Variants in SULF2 observed in about 807,000 individuals in gnomAD.
SULF2 encodes sulfatase 2.
A neutral mutation model predicts 107.7 loss-of-function variants in SULF2; 52 were observed. The observed-to-expected ratio is 0.48, with a 90% CI of 0.39 to 0.61. The LOEUF (loss-of-function observed/expected upper bound fraction) is 0.61. Among genes scored for constraint, SULF2 ranks in the 20% least tolerant of loss-of-function variants. SULF2 has a pLI of 0.00. For missense variants in SULF2, 993 were observed against 1,177.3 expected (o/e 0.84, Z 2.29); for synonymous variants, 460 against 464.3 (o/e 0.99, Z 0.12).
chr20:47,673,349 C>G (rs989818093), intron 10 of SULF2, among the ~76,000 whole-genome samples: 2 of 152,192 alleles, frequency 1.3e-5, no homozygotes, highest in South Asian at 2.1e-4. Flanking sequence ...CTTACTACAC[C>G]TCACGCTACC....
chr20:47,701,547 C>T (rs1451119390), intron 4 of SULF2, among the ~76,000 whole-genome samples: 1 of 152,216 alleles, frequency 6.6e-6, no homozygotes, highest in Non-Finnish European at 1.5e-5. Context: ...ATGCACACGC[C>T]CTGTGCTCAG....
chr20:47,745,399 AAAAAAAAAAAAATATATATATAT>A lies in SULF2; in HGVS notation c.176-8480_176-8458del, dbSNP rs1162006721. Among the ~76,000 whole-genome samples, 13 of 27,732 alleles carry A rather than the reference AAAAAAAAAAAAATATATATATAT, an allele frequency of 4.7e-4. 1 individual carries two copies. Among genetic ancestry groups the A allele is most frequent in the African/African-American group, 2.6e-3 (11 of 4,234 alleles). 18.2% of individuals were successfully genotyped at this position (27,732 alleles called of 152,430 possible). On this transcript the variant is annotated intron_variant, in intron 2 of 20. Coordinates refer to ENST00000688720, the MANE Select transcript of SULF2 (RefSeq NM_001387048.1). ...TTTTGAGGGAAAAAAAAAAAAAAAA[AAAAAAAAAAAAATATATATATAT>A]ATATATATATATATATATATATATA...
intron 1 of SULF2, among the ~76,000 whole-genome samples, chr20:47,769,046 CATTT>C (rs2090579266): frequency 8.8e-5 from 1 of 11,368 alleles, no homozygotes; most frequent in Middle Eastern, 0.071. Context: ...ATGCCTGCCT[CATTT>C]TTTTTTTGAG....
chr20:47,676,582 T>C lies in SULF2; in HGVS notation c.1292A>G (p.Gln431Arg). ...HKRDNDKVDA[Q>R]EENFLPKYQR... ...GTACTTGGGCAGAAAGTTCTCCTCC[T>C]GGGCGTCCACCTTGTCATTGTCTCT... Residue 431 changes from glutamine to arginine, a missense_variant, in exon 10 of 21, where the codon CAG becomes CGG. Physicochemically the swap from Gln to Arg is conservative, Grantham distance 43. Coordinates refer to ENST00000688720, the MANE Select transcript of SULF2 (RefSeq NM_001387048.1). 2 of 1,567,498 alleles carry C rather than the reference T, an allele frequency of 1.3e-6. No homozygotes were observed. The highest frequency in any genetic ancestry group is 1.7e-6 in the Non-Finnish European group (2 of 1,155,522).
At chr20:47,727,101 C>T (rs138002043) in intron 3 of SULF2, among the ~76,000 whole-genome samples, 6 of 152,122 alleles carry the variant, frequency 3.9e-5, no homozygotes, top group South Asian at 4.2e-4. Flanking sequence ...CCAGCCGTCA[C>T]GAGATGAATG....
intron 11 of SULF2, among the ~76,000 whole-genome samples, chr20:47,669,419 C>T (rs2087389519): frequency 6.6e-6 from 1 of 152,184 alleles, no homozygotes. Context: ...AGATGTTTTG[C>T]CGCATCCATA....
At chr20:47,720,914 T>C (rs1489340436) in intron 3 of SULF2, among the ~76,000 whole-genome samples, 2 of 152,208 alleles carry the variant, frequency 1.3e-5, no homozygotes, top group Non-Finnish European at 2.9e-5. Context: ...GGAAGCCCTT[T>C]TGCAAACTCT....
At chr20:47,670,669 T>TGAGAGCGGGGTGG (rs2087433350) in intron 11 of SULF2, among the ~76,000 whole-genome samples, 1 of 4,590 alleles carries the variant, frequency 2.2e-4, no homozygotes, top group Non-Finnish European at 4.4e-4. Flanking sequence ...GAGAATGGGG[T>TGAGAGCGGGGTGG]GACAGCAGGG....
intron 2 of SULF2, among the ~76,000 whole-genome samples, chr20:47,746,345 G>C (rs1473786082): frequency 3.3e-5 from 5 of 152,188 alleles, no homozygotes; most frequent in Non-Finnish European, 1.5e-5. Flanking sequence ...GGATGAAGAG[G>C]GCTATGAGGT....
chr20:47,751,349 C>G lies in SULF2; in HGVS notation c.175+5840G>C, dbSNP rs549000744. Among the ~76,000 whole-genome samples the G allele has an allele frequency of 3.3e-5, 5 of 152,308 alleles. 1 individual carries two copies. Among genetic ancestry groups the G allele is most frequent in the African/African-American group, 1.2e-4 (5 of 41,584 alleles). Reference sequence around the variant, plus strand: ...CCTCATGGTTCAAGTGGGGTTGGCTCCAGTCCTGGCTCCAGGAATGTGCAC... The same window carrying G: ...CCTCATGGTTCAAGTGGGGTTGGCTGCAGTCCTGGCTCCAGGAATGTGCAC... On this transcript the variant is annotated intron_variant, in intron 2 of 20. Transcript: ENST00000688720.
At chr20:47,772,775 A>G (rs1349543223) in intron 1 of SULF2, among the ~76,000 whole-genome samples, 2 of 152,058 alleles carry the variant, frequency 1.3e-5, no homozygotes, top group Non-Finnish European at 2.9e-5. Context: ...CTGTGCGTGG[A>G]CGGCTAAGAT....
chr20:47,664,302 C>G (rs2087191504), intron 14 of SULF2, 113 bp from the exon 15 acceptor site: 1 of 1,068,400 alleles, frequency 9.4e-7, no homozygotes, highest in Non-Finnish European at 1.4e-6. Flanking sequence ...CCACCCCTGT[C>G]CCTCCTTCTG....
chr20:47,700,787 A>G (rs2088539777), intron 4 of SULF2, among the ~76,000 whole-genome samples: 1 of 152,022 alleles, frequency 6.6e-6, no homozygotes, highest in Admixed American at 6.6e-5. Flanking sequence ...CTGGGATTAC[A>G]GGCGCCCGCC....
intron 2 of SULF2, among the ~76,000 whole-genome samples, chr20:47,739,966 C>T (rs1361101626): frequency 6.6e-6 from 1 of 152,220 alleles, no homozygotes; most frequent in Non-Finnish European, 1.5e-5. Flanking sequence ...TCCCTACAGT[C>T]TTACACCACC....
Position 47,684,589 on chromosome 20 carries a change from G to T in SULF2, c.738-8C>A. On this transcript the variant is annotated splice_region_variant and splice_polypyrimidine_tract_variant and intron_variant, in intron 5 of 20. Coordinates refer to ENST00000688720, the MANE Select transcript of SULF2 (RefSeq NM_001387048.1). ...TAGTTGTAGCTCGGCGTGCTGGTGG[G>T]CAAGGACATACACATCGGTCAAACC... The T allele has an allele frequency of 6.2e-7, 1 of 1,612,952 alleles. No individual in the cohort carries two copies. Among genetic ancestry groups the T allele is most frequent in the South Asian group, 1.1e-5 (1 of 90,970 alleles).
intron 2 of SULF2, among the ~76,000 whole-genome samples, chr20:47,740,037 T>C (rs956786846): frequency 6.6e-6 from 1 of 152,202 alleles, no homozygotes; most frequent in Non-Finnish European, 1.5e-5. Context: ...CCTTCTGATA[T>C]AGCTAAGGAA....
At position 47,665,129 on chromosome 20, in the gene SULF2, G is replaced by C. The variant is rs1022470642; in HGVS notation, c.1997+70C>G. ...ATAAAAAATGAAAGGGGTCAATCAC[G>C]AGAGGGGATGAACTGAACTGTCCTG... is the stretch of plus-strand genomic sequence containing the variant. On this transcript the variant is annotated intron_variant, in intron 14 of 20. Transcript: ENST00000688720. 3.1e-6 allele frequency: 3 copies of C among 971,444 alleles called. No homozygotes were observed. In the South Asian group the frequency reaches 4.0e-5, roughly 13 times the overall value. 60.2% of individuals were successfully genotyped at this position (971,444 alleles called of 1,614,324 possible). A position where few individuals can be genotyped will look rare whatever the true frequency, so the allele number is the denominator to read the frequency against.
intron 4 of SULF2, among the ~76,000 whole-genome samples, chr20:47,698,308 C>G (rs1422626624): frequency 6.6e-6 from 1 of 152,222 alleles, no homozygotes; most frequent in Non-Finnish European, 1.5e-5. Flanking sequence ...CCATGTCTGG[C>G]TCAGGAGTGG....
At chr20:47,731,182 C>CTTTTTTTTTTTTTTTTATTT (rs1342480404) in intron 3 of SULF2, among the ~76,000 whole-genome samples, 2 of 99,596 alleles carry the variant, frequency 2.0e-5, no homozygotes, top group African/African-American at 1.1e-4. Context: ...TCACCTGTAT[C>CTTTTTTTTTTTTTTTTATTT]TTCTCTTTTT....
Sources: gnomAD v4.1 joint callset for allele counts (sites outside exome capture counted in the v4.1 genomes callset) on GRCh38, gnomAD v4.1.1 for gene constraint, MANE v1.5 for transcripts, NCBI Gene and HGNC (gene_info 2026-07-23, HGNC 2026-07-21) for gene names.